IQCK: variants seen among roughly 807,000 people sequenced by gnomAD.
IQCK encodes IQ motif containing K, also known as IQ domain-containing protein K.
IQCK carries 29 observed loss-of-function variants against 28.1 expected under a neutral mutation model. The observed-to-expected ratio is 1.03, with a 90% CI of 0.77 to 1.41. IQCK has a LOEUF of 1.41. Ranked by LOEUF, IQCK falls within the 40% of genes most tolerant of loss-of-function variation. IQCK has a pLI of 0.00. For missense variants in IQCK, 359 were observed against 314.7 expected (o/e 1.14, Z -1.07); for synonymous variants, 113 against 115.1 (o/e 0.98, Z 0.12).
intron 4 of IQCK, among the ~76,000 whole-genome samples, chr16:19,743,012 T>C (rs1432212827): frequency 6.6e-6 from 1 of 152,058 alleles, no homozygotes; most frequent in African/African-American, 2.4e-5. Context: ...CTACTAAGAA[T>C]ACAAAAAAAT....
chr16:19,749,864 G>A (rs1041962180), intron 4 of IQCK, among the ~76,000 whole-genome samples: 5 of 152,112 alleles, frequency 3.3e-5, no homozygotes, highest in African/African-American at 1.2e-4. Flanking sequence ...TTATGTGGGA[G>A]GCAGTCTAGT....
chr16:19,853,983 A>G (rs958074739), intron 9 of IQCK, among the ~76,000 whole-genome samples: 2 of 152,242 alleles, frequency 1.3e-5, no homozygotes, highest in Non-Finnish European at 2.9e-5. Context: ...GGCAGCCAGC[A>G]TGATGTTAAT....
chr16:19,724,597 C>T lies in IQCK; in HGVS notation c.182-5833C>T, dbSNP rs927749182. 2.6e-4 allele frequency among the ~76,000 whole-genome samples: 40 copies of T among 152,086 alleles called. 1 individual carries two copies. The highest frequency in any genetic ancestry group is 6.8e-3 in the Middle Eastern group (2 of 294). ...AGGCTGCAGTGCAGTGGTGCGATCT[C>T]GGCTCACTGCAAGCTCCGCCTCCTG... On this transcript the variant is annotated intron_variant, in intron 1 of 7. Coordinates refer to ENST00000564186, the Ensembl canonical transcript of IQCK.
chr16:19,779,506 T>A (rs181776156), intron 6 of IQCK, among the ~76,000 whole-genome samples: 2 of 152,060 alleles, frequency 1.3e-5, no homozygotes, highest in East Asian at 3.9e-4. Flanking sequence ...ATATGAAAAG[T>A]TTTTTCTTTT....
At chr16:19,741,584 A>G (rs1455159106) in intron 4 of IQCK, among the ~76,000 whole-genome samples, 1 of 152,198 alleles carries the variant, frequency 6.6e-6, no homozygotes, top group African/African-American at 2.4e-5. Context: ...TCCTGAGACT[A>G]AATGAAAACA....
At position 19,756,937 on chromosome 16, in the gene IQCK, C is replaced by A. The variant is rs575465920; in HGVS notation, c.475-6911C>A. Among the ~76,000 whole-genome samples the A allele has an allele frequency of 2.6e-5, 4 of 152,040 alleles. No individual in the cohort carries two copies. The South Asian group carries it at 8.3e-4, about 32-fold the overall frequency. ...AAAGAAAGAGGCTCCAGACAGCTGC[C>A]TTGTCCCTTCCATCTATGGGTGCCA... On this transcript the variant is annotated intron_variant, in intron 4 of 7. Coordinates refer to ENST00000564186, the Ensembl canonical transcript of IQCK.
chr16:19,850,476 A>G (rs1178710793), intron 9 of IQCK, among the ~76,000 whole-genome samples: 1 of 152,224 alleles, frequency 6.6e-6, no homozygotes, highest in Non-Finnish European at 1.5e-5. Flanking sequence ...CTAATTGAGT[A>G]AAAGATGAAC....
At chr16:19,841,907 G>A (rs1385364190) in intron 9 of IQCK, among the ~76,000 whole-genome samples, 3 of 150,778 alleles carry the variant, frequency 2.0e-5, no homozygotes, top group East Asian at 2.0e-4. Context: ...GTTCAGTGGT[G>A]CGATCTCAGC....
intron 2 of IQCK, among the ~76,000 whole-genome samples, chr16:19,732,891 G>A (rs1353510241): frequency 1.3e-5 from 2 of 152,178 alleles, no homozygotes; most frequent in Admixed American, 6.5e-5. Flanking sequence ...TCCAGCTGGT[G>A]TGAACACAGC....
intron 7 of IQCK, among the ~76,000 whole-genome samples, chr16:19,822,084 C>CCA (rs2056080671): frequency 1.0e-5 from 1 of 97,608 alleles, no homozygotes; most frequent in African/African-American, 4.1e-5. Flanking sequence ...AAAAAAAAAA[C>CCA]AAAAAAAAAA....
chr16:19,734,633 T>A (rs576856494), intron 3 of IQCK, among the ~76,000 whole-genome samples: 1 of 149,906 alleles, frequency 6.7e-6, no homozygotes, highest in African/African-American at 2.5e-5. Flanking sequence ...AAAAAAAAAT[T>A]AGCTGGGTGT....
chr16:19,756,624 C>G (rs536935609), intron 4 of IQCK, among the ~76,000 whole-genome samples: 2 of 152,056 alleles, frequency 1.3e-5, no homozygotes, highest in Non-Finnish European at 2.9e-5. Context: ...CAGTGGCTCA[C>G]GCCTGTAATC....
In IQCK at chr16:19,847,591, C is replaced by A. The variant is rs117140895; in HGVS notation, c.803-8896C>A. ...AAACACAGAATGAACTCCTTTGTGT[C>A]TGGCGTCTGTGTCTTCTGCTGAACA... On this transcript the variant is annotated intron_variant, in intron 9 of 9. Coordinates refer to the IQCK transcript ENST00000320394. Among the ~76,000 whole-genome samples, 6 of 152,340 alleles carry A rather than the reference C, an allele frequency of 3.9e-5. No individual in the cohort carries two copies. In the East Asian group the frequency reaches 1.2e-3, roughly 29 times the overall value.
At chr16:19,829,196 G>A (rs147991335), downstream of IQCK, among the ~76,000 whole-genome samples, 20 of 151,724 alleles carry the variant, frequency 1.3e-4, no homozygotes, top group East Asian at 3.9e-3. Flanking sequence ...CAGGCCACAG[G>A]CCATCATGCC....
chr16:19,719,670 A>ATTTTTTT (rs1204084614), intron 1 of IQCK, among the ~76,000 whole-genome samples: 1 of 126,604 alleles, frequency 7.9e-6, no homozygotes, highest in Non-Finnish European at 1.6e-5. Flanking sequence ...TTGGACTCAA[A>ATTTTTTT]TTTTTTTTTT....
intron 9 of IQCK, among the ~76,000 whole-genome samples, chr16:19,844,252 G>T (rs1162340343): frequency 6.6e-6 from 1 of 151,998 alleles, no homozygotes; most frequent in Admixed American, 6.6e-5. Context: ...GCTAATTTTT[G>T]TATTTTTAGT....
At chr16:19,734,486 A>C (rs968869756) in intron 3 of IQCK, among the ~76,000 whole-genome samples, 6 of 140,876 alleles carry the variant, frequency 4.3e-5, no homozygotes, top group Admixed American at 4.2e-4. Flanking sequence ...AAAATTATCC[A>C]GGCATGGTGG....
exon 5 of IQCK, chr16:19,763,883 G>A: frequency 6.2e-7 from 1 of 1,613,836 alleles, no homozygotes; most frequent in Non-Finnish European, 8.5e-7. Context: ...GTGATTTTCT[G>A]ACTGAGTGGT....
intron 4 of IQCK, among the ~76,000 whole-genome samples, chr16:19,747,795 C>T (rs1327482454): frequency 1.3e-5 from 2 of 152,136 alleles, no homozygotes; most frequent in African/African-American, 4.8e-5. Flanking sequence ...CCAGTTCCAT[C>T]CATGTTGCTG....
Sources: allele counts gnomAD v4.1 joint callset (sites outside exome capture counted in the v4.1 genomes callset), GRCh38; gene constraint gnomAD v4.1.1; transcripts MANE v1.5; gene names NCBI Gene and HGNC (gene_info 2026-07-23, HGNC 2026-07-21).